Variants in PDE4D observed in about 807,000 individuals in gnomAD.
PDE4D encodes 3',5'-cyclic-AMP phosphodiesterase 4D.
Under a neutral mutation model 87.4 loss-of-function variants are expected in PDE4D, and 24 were observed. The ratio of observed to expected loss-of-function variants is 0.27; its 90% CI spans 0.20 to 0.39. The LOEUF is 0.39. Among genes scored for constraint, PDE4D ranks in the 10% least tolerant of loss-of-function variants. The probability of loss-of-function intolerance (pLI) is 1.00; values close to 1 mark genes in which losing one functional copy is unlikely to be tolerated. For missense variants in PDE4D, 714 were observed against 1,041.0 expected (o/e 0.69, Z 4.32); for synonymous variants, 384 against 383.2 (o/e 1.00, Z -0.02).
At chr5:59,769,931 C>G (rs879285924) in intron 1 of PDE4D, among the ~76,000 whole-genome samples, 6 of 152,112 alleles carry the variant, frequency 3.9e-5, no homozygotes, top group Non-Finnish European at 5.9e-5. Context: ...TCCCTGCCCC[C>G]CTGGTTGCTC....
At chr5:59,297,039 C>A (rs777233866) in intron 1 of PDE4D, among the ~76,000 whole-genome samples, 6 of 152,120 alleles carry the variant, frequency 3.9e-5, no homozygotes, top group African/African-American at 7.2e-5. Flanking sequence ...AAATAGGTGA[C>A]TTAACCCTTC....
At chr5:59,944,142 C>T (rs1757480154) in intron 3 of PDE4D, among the ~76,000 whole-genome samples, 1 of 152,182 alleles carries the variant, frequency 6.6e-6, no homozygotes. Flanking sequence ...TAACTTAATG[C>T]CGTGGAGTCA....
intron 2 of PDE4D, among the ~76,000 whole-genome samples, chr5:60,030,031 C>T (rs1767061379): frequency 6.6e-6 from 1 of 152,210 alleles, no homozygotes; most frequent in Non-Finnish European, 1.5e-5. Flanking sequence ...CAGAATCATT[C>T]CCATCATCAA....
chr5:59,684,208 C>G (rs544463397), intron 1 of PDE4D, among the ~76,000 whole-genome samples: 126 of 152,254 alleles, frequency 8.3e-4, no homozygotes, highest in African/African-American at 2.8e-3. Context: ...CCCTTCTTTC[C>G]CAAAAGGTTA....
chr5:60,423,128 C>T (rs73108651), intron 1 of PDE4D, among the ~76,000 whole-genome samples: 2,752 of 152,110 alleles, frequency 0.018, 91 homozygotes, highest in African/African-American at 0.062. Flanking sequence ...AATATTAGAC[C>T]GATCAACCAG....
chr5:59,810,917 G>A (rs1440797793), intron 1 of PDE4D, among the ~76,000 whole-genome samples: 2 of 152,126 alleles, frequency 1.3e-5, no homozygotes, highest in African/African-American at 4.8e-5. Flanking sequence ...CATACATTTA[G>A]CAGATGGACT....
chr5:59,344,643 C>T (rs1460809851), intron 1 of PDE4D, among the ~76,000 whole-genome samples: 8 of 152,108 alleles, frequency 5.3e-5, no homozygotes, highest in Admixed American at 5.2e-4. Context: ...AGGCGATCCT[C>T]CCACCTCACC....
intron 2 of PDE4D, among the ~76,000 whole-genome samples, chr5:60,072,512 A>C (rs1293841282): frequency 1.3e-5 from 2 of 152,164 alleles, no homozygotes; most frequent in African/African-American, 2.4e-5. Context: ...GTATTTAATT[A>C]GATCCCATTT....
At chr5:60,335,745 A>T (rs184054246) in intron 1 of PDE4D, among the ~76,000 whole-genome samples, 24 of 152,300 alleles carry the variant, frequency 1.6e-4, no homozygotes, top group African/African-American at 4.8e-4. Context: ...AATGTGGGGC[A>T]CGAGTGGATG....
At chr5:59,495,728 G>A (rs575133070) in intron 1 of PDE4D, among the ~76,000 whole-genome samples, 12 of 152,314 alleles carry the variant, frequency 7.9e-5, no homozygotes, top group African/African-American at 2.6e-4. Context: ...GTGTTGCTAC[G>A]AAATGAGAAA....
intron 1 of PDE4D, among the ~76,000 whole-genome samples, chr5:59,646,992 G>A (rs1315296840): frequency 4.6e-5 from 7 of 152,004 alleles, no homozygotes; most frequent in Non-Finnish European, 8.8e-5. Context: ...CCGAGATCAC[G>A]CCACTGCACT....
intron 1 of PDE4D, among the ~76,000 whole-genome samples, chr5:60,473,107 AAGAG>A (rs146131896): frequency 3.3e-5 from 3 of 90,388 alleles, no homozygotes; most frequent in Non-Finnish European, 6.5e-5. Flanking sequence ...GAAAGAAAGA[AAGAG>A]AGAGAGAGAA....
chr5:59,671,525 C>A (rs1044338391), intron 1 of PDE4D, among the ~76,000 whole-genome samples: 2 of 152,050 alleles, frequency 1.3e-5, no homozygotes, highest in African/African-American at 4.8e-5. Flanking sequence ...TACAATTTTA[C>A]AGCCAGGCAT....
intron 1 of PDE4D, among the ~76,000 whole-genome samples, chr5:59,841,113 G>T (rs948972462): frequency 2.0e-5 from 3 of 152,044 alleles, no homozygotes; most frequent in Admixed American, 2.0e-4. Flanking sequence ...TGCACTTGGG[G>T]TGGCCACTGA....
chr5:59,647,026 C>T (rs189081294), intron 1 of PDE4D, among the ~76,000 whole-genome samples: 1 of 152,204 alleles, frequency 6.6e-6, no homozygotes, highest in African/African-American at 2.4e-5. Flanking sequence ...CAGAGAGAGA[C>T]TCTATCTCAA....
At chr5:59,753,135 C>T (rs574405194) in intron 1 of PDE4D, among the ~76,000 whole-genome samples, 1 of 152,068 alleles carries the variant, frequency 6.6e-6, no homozygotes, top group African/African-American at 2.4e-5. Context: ...AGATAGTGGA[C>T]AATCAAAGCA....
chr5:60,104,755 T>C (rs1328016729), intron 2 of PDE4D, among the ~76,000 whole-genome samples: 1 of 152,240 alleles, frequency 6.6e-6, no homozygotes, highest in Non-Finnish European at 1.5e-5. Context: ...GCAAACAGGG[T>C]CTGGAGTGGA....
At chr5:59,249,111 A>T (rs940367938) in intron 1 of PDE4D, among the ~76,000 whole-genome samples, 1 of 152,068 alleles carries the variant, frequency 6.6e-6, no homozygotes, top group African/African-American at 2.4e-5. Context: ...TACATAAAGA[A>T]CTCTTGCAAA....
At chr5:59,736,662 A>G (rs6874708) in intron 1 of PDE4D, among the ~76,000 whole-genome samples, 73,760 of 151,372 alleles carry the variant, frequency 0.49, 18,680 homozygotes, top group African/African-American at 0.56. Flanking sequence ...CTGGGTGATA[A>G]AGTGAGATTT....
Sources: gnomAD v4.1 joint callset for allele counts (sites outside exome capture counted in the v4.1 genomes callset) on GRCh38, gnomAD v4.1.1 for gene constraint, MANE v1.5 for transcripts, NCBI Gene and HGNC (gene_info 2026-07-23, HGNC 2026-07-21) for gene names.